Variants in STAB1 observed in about 807,000 individuals in gnomAD.
The protein encoded by STAB1 is stabilin 1, also known as stabilin-1.
In STAB1, 250 loss-of-function variants were observed where a neutral mutation model predicts 332.4. The observed-to-expected ratio is 0.75, with a 90% CI of 0.68 to 0.84. The LOEUF (loss-of-function observed/expected upper bound fraction) is 0.84. STAB1 is among the 40% of genes least tolerant of loss of function. STAB1 has a pLI of 0.00. For missense variants in STAB1, 3,249 were observed against 3,489.7 expected (o/e 0.93, Z 1.74); for synonymous variants, 1,475 against 1,390.4 (o/e 1.06, Z -1.35).
chr3:52,495,422 G>A lies in STAB1; in HGVS notation c.9G>A (p.Gly3=), dbSNP rs1707931271. The A allele has an allele frequency of 3.7e-6, 5 of 1,340,316 alleles. No homozygotes were observed. Among genetic ancestry groups the A allele is most frequent in the Non-Finnish European group, 4.8e-6 (5 of 1,038,946 alleles). The allele number at this position is 1,340,316 out of a possible 1,614,324, so 83.0% of individuals were successfully genotyped here. MA[G]PRGLLPLCLL... is the part of the protein sequence containing the mutation. ...CAGCGTGCCCACCAGCCATGGCGGGGCCCCGGGGCCTCCTCCCACTCTGCC... is the reference window on the plus strand; with the variant it reads ...CAGCGTGCCCACCAGCCATGGCGGGACCCCGGGGCCTCCTCCCACTCTGCC... Residue 3 remains glycine (G), a synonymous_variant, in exon 1 of 69, where the codon GGG becomes GGA. Coordinates refer to ENST00000321725, the MANE Select transcript of STAB1 (RefSeq NM_015136.3).
Position 52,510,501 on chromosome 3 carries a change from C to T in STAB1, c.2781C>T (p.Pro927=), listed in dbSNP as rs756903751. Reference sequence around the variant, plus strand: ...ATGCCCTCTGCAGCTATGTGGGCCCCGGGCAGGTGAGGTGCAGCAGAGAAG... The same window carrying T: ...ATGCCCTCTGCAGCTATGTGGGCCCTGGGCAGGTGAGGTGCAGCAGAGAAG... The part of the protein sequence containing the change: ...HTDALCSYVG[P]GQSRCTCKLG... The change falls in exon 25 of 69, where the codon CCC becomes CCT. Residue 927 remains proline (P), a synonymous_variant. Coordinates refer to ENST00000321725, the MANE Select transcript of STAB1 (RefSeq NM_015136.3). The T allele has an allele frequency of 8.7e-6, 14 of 1,612,460 alleles. 1 individual carries two copies. The highest frequency in any genetic ancestry group is 5.0e-5 in the Admixed American group (3 of 59,940).
At chr3:52,515,776 G>A (rs1452896971) in intron 37 of STAB1, among the ~76,000 whole-genome samples, 3 of 152,136 alleles carry the variant, frequency 2.0e-5, no homozygotes, top group Admixed American at 2.0e-4. Flanking sequence ...GAAACCCCAG[G>A]GGCAGCAACT....
At chr3:52,518,655 CTGG>C in intron 47 of STAB1, 42 bp downstream of exon 47, 3 of 1,611,442 alleles carry the variant, frequency 1.9e-6, no homozygotes, top group Non-Finnish European at 2.5e-6. Flanking sequence ...GCTGGGTGCT[CTGG>C]TGGTGGCCCT....
intron 1 of STAB1, among the ~76,000 whole-genome samples, chr3:52,497,349 C>T (rs1268477425): frequency 6.7e-6 from 1 of 148,450 alleles, no homozygotes; most frequent in Non-Finnish European, 1.5e-5. Flanking sequence ...TATAAGTCGT[C>T]TAAGGATGAC....
Position 52,516,904 on chromosome 3 carries a change from C to T in STAB1, c.4364-80C>T. The T allele has an allele frequency of 5.6e-6, 9 of 1,601,360 alleles. No individual in the cohort carries two copies. In the South Asian group the frequency reaches 9.0e-5, roughly 16 times the overall value. The stretch of plus-strand genomic sequence containing the variant: ...ACTCACCCTTCCCTCTGACCTTTTC[C>T]TTTCTCTCACGCCCTCCTCTCCTGT... On this transcript the variant is annotated intron_variant, in intron 41 of 68. Transcript: ENST00000321725.
chr3:52,519,403 G>T lies in STAB1; in HGVS notation c.5174G>T (p.Arg1725Met). ...HWEPDDAPIP[R>M]RNVTAAAQGF... ...GAGCCTGATGATGCTCCCATCCCGA[G>T]GGTATGACAAGCACGGGCCTGGGAG... The change falls in exon 49 of 69, where the codon AGG becomes ATG. Residue 1725 changes from arginine to methionine, a missense_variant and splice_region_variant. Arg to Met is a moderately conservative substitution (Grantham distance 91). Coordinates refer to ENST00000321725, the MANE Select transcript of STAB1 (RefSeq NM_015136.3). The T allele has an allele frequency of 6.2e-7, 1 of 1,613,038 alleles. No homozygotes were observed. The highest frequency in any genetic ancestry group is 8.5e-7 in the Non-Finnish European group (1 of 1,179,944).
rs1184511222 is a variant in STAB1, at chr3:52,514,493, C to A, written c.3675C>A (p.Gly1225=). 3 of 1,525,066 alleles carry A rather than the reference C, an allele frequency of 2.0e-6. No individual in the cohort carries two copies. The highest frequency in any genetic ancestry group is 2.6e-6 in the Non-Finnish European group (3 of 1,136,964). The allele number at this position is 1,525,066 out of a possible 1,614,324, so 94.5% of individuals were successfully genotyped here. A position where few individuals can be genotyped will look rare whatever the true frequency, so the allele number is the denominator to read the frequency against. The change falls in exon 34 of 69, where the codon GGC becomes GGA. Residue 1225 remains glycine, a synonymous_variant. Transcript: ENST00000321725. ...AHWIVFYNHS[G]QPEVNHVPLE... is the part of the protein sequence containing the mutation. ...GGATCGTCTTCTACAACCACAGTGGCCAGGTTTGGGGGTCAGGGAGCAAGG... is the reference window on the plus strand; with the variant it reads ...GGATCGTCTTCTACAACCACAGTGGACAGGTTTGGGGGTCAGGGAGCAAGG...
chr3:52,515,765 C>T (rs1022248830), intron 37 of STAB1, among the ~76,000 whole-genome samples: 5 of 152,162 alleles, frequency 3.3e-5, no homozygotes, highest in African/African-American at 9.7e-5. Flanking sequence ...GTTCCATCAG[C>T]GAAACCCCAG....
At chr3:52,500,085 C>A (rs1226585505) in intron 1 of STAB1, among the ~76,000 whole-genome samples, 2 of 152,032 alleles carry the variant, frequency 1.3e-5, no homozygotes, top group East Asian at 3.8e-4. Context: ...AGACAAAAAA[C>A]CATAAACTGA....
Position 52,510,454 on chromosome 3 carries a change from A to G in STAB1, c.2734A>G (p.Met912Val), listed in dbSNP as rs9835659. 0.98 allele frequency: 1,582,499 copies of G among 1,613,682 alleles called. 776,048 individuals carry two copies. Among genetic ancestry groups the G allele is most frequent in the East Asian group, 1 (44,876 of 44,878 alleles). ...GGCTATTGACGAGTGTGAGCTGGAC[A>G]TGAGAGGTGGCTGCCACACCGATGC... ...CVAIDECELD[M>V]RGGCHTDALC... is the part of the protein sequence containing the mutation. Residue 912 changes from methionine to valine, a missense_variant, in exon 25 of 69, where the codon ATG becomes GTG. Transcript: ENST00000321725.
intron 22 of STAB1, among the ~76,000 whole-genome samples, chr3:52,509,634 T>A (rs1287027103): frequency 6.6e-6 from 1 of 152,230 alleles, no homozygotes; most frequent in Admixed American, 6.5e-5. Flanking sequence ...ACTGAAGAAC[T>A]TCCTGATGGT....
Position 52,502,020 on chromosome 3 carries a change from G to A in STAB1, c.346G>A (p.Ala116Thr), listed in dbSNP as rs143159509. 2.6e-5 allele frequency: 42 copies of A among 1,612,506 alleles called. No homozygotes were observed. The highest frequency in any genetic ancestry group is 3.6e-4 in the Middle Eastern group (2 of 5,574). The change falls in exon 4 of 69, where the codon GCT becomes ACT. Residue 116 changes from alanine to threonine, a missense_variant. Ala to Thr is a moderately conservative substitution (Grantham distance 58). Coordinates refer to ENST00000321725, the MANE Select transcript of STAB1 (RefSeq NM_015136.3). ...GSRCHECPGG[A>T]ETPCNGHGTC... ...GGGGTCCACAGAATGCCCTGGGGGC[G>A]CTGAGACCCCATGCAATGGCCACGG...
intron 37 of STAB1, 121 bp from the exon 38 acceptor site, chr3:52,515,921 TG>T: frequency 1.8e-6 from 2 of 1,131,802 alleles, no homozygotes; most frequent in Non-Finnish European, 2.4e-6. Flanking sequence ...TGCTCATCCC[TG>T]GGACTGGGGT....
At chr3:52,508,511 C>A (rs1709050976) in intron 21 of STAB1, 152 bp downstream of exon 21, 2 of 743,802 alleles carry the variant, frequency 2.7e-6, no homozygotes, top group Admixed American at 2.0e-5. Context: ...CAAATTATTT[C>A]TCATATTTTA....
chr3:52,514,002 G>C, intron 32 of STAB1, 21 bp downstream of exon 32: 2 of 1,593,784 alleles, frequency 1.3e-6, no homozygotes, highest in Non-Finnish European at 1.7e-6. Context: ...CTGGCAAGAG[G>C]GGATGTGCCT....
At chr3:52,518,992 C>A in intron 48 of STAB1, 123 bp downstream of exon 48, 1 of 1,240,522 alleles carries the variant, frequency 8.1e-7, no homozygotes, top group Non-Finnish European at 1.1e-6. Flanking sequence ...GGGGCGCCTC[C>A]TGCTGAGTCC....
At position 52,524,448 on chromosome 3, in the gene STAB1, G is replaced by A. The variant is rs139183709; in HGVS notation, c.*92G>A. On this transcript the variant is annotated 3_prime_UTR_variant, in exon 69 of 69. Transcript: ENST00000321725. ...ATGGGGCAGGAGGGGCTGAGGGCCT[G>A]TCCCAGACAATAAAGGTGCCCTCAG... The A allele has an allele frequency of 1.9e-5, 31 of 1,612,542 alleles. No homozygotes were observed. In the African/African-American group the frequency reaches 3.6e-4, roughly 19 times the overall value.
rs1334896616 is a variant in STAB1, at chr3:52,519,961, C to T, written c.5253C>T (p.Pro1751=). Residue 1751 remains proline, a synonymous_variant, in exon 51 of 69, where the codon CCC becomes CCT. Coordinates refer to ENST00000321725, the MANE Select transcript of STAB1 (RefSeq NM_015136.3). Reference sequence around the variant, plus strand: ...CCCACCAGGTGGCCGGCCTCCTGCCCCTGCTTCGAGAGGCATCCCATAGGC... The same window carrying T: ...CCCACCAGGTGGCCGGCCTCCTGCCTCTGCTTCGAGAGGCATCCCATAGGC... ...SGLLKVAGLL[P]LLREASHRPF... 2 of 1,587,026 alleles carry T rather than the reference C, an allele frequency of 1.3e-6. No individual in the cohort carries two copies. The highest frequency in any genetic ancestry group is 2.3e-5 in the East Asian group (1 of 44,442).
chr3:52,520,783 G>C (rs770596440), intron 54 of STAB1, 21 bp from the exon 55 acceptor site: 41 of 1,612,620 alleles, frequency 2.5e-5, no homozygotes, highest in Non-Finnish European at 3.4e-5. Flanking sequence ...ACCCAACTGC[G>C]GCCTGACTCC....
Sources: gnomAD v4.1 joint callset for allele counts (sites outside exome capture counted in the v4.1 genomes callset) on GRCh38, gnomAD v4.1.1 for gene constraint, MANE v1.5 for transcripts, NCBI Gene and HGNC (gene_info 2026-07-23, HGNC 2026-07-21) for gene names.